The following GALNT13 variants were observed in gnomAD, a reference collection of about 807,000 sequenced individuals.
The protein encoded by GALNT13 is UDP-GalNAc:polypeptide N-acetylgalactosaminyltransferase 13.
In GALNT13, 28 loss-of-function variants were observed where a neutral mutation model predicts 64.2. That is an observed-to-expected ratio of 0.44 (90% CI 0.32 to 0.60). The LOEUF (loss-of-function observed/expected upper bound fraction) is 0.60, where lower values mean the gene tolerates loss of function less well. GALNT13 is among the 20% of genes least tolerant of loss of function. The probability of loss-of-function intolerance (pLI) is 0.05; values close to 1 mark genes in which losing one functional copy is unlikely to be tolerated. For missense variants in GALNT13, 577 were observed against 669.8 expected, an observed-to-expected ratio of 0.86 and a Z score of 1.53; for synonymous variants, 214 against 224.6, an observed-to-expected ratio of 0.95 and a Z score of 0.42.
chr2:154,120,098 A>T (rs1001455668), intron 3 of GALNT13, among the ~76,000 whole-genome samples: 8 of 151,834 alleles, frequency 5.3e-5, no homozygotes, highest in Non-Finnish European at 1.0e-4. Flanking sequence ...TTTGTCAGGG[A>T]TAGATCTTAA....
the GALNT13 span, among the ~76,000 whole-genome samples, chr2:153,839,522 T>G: frequency 9.9e-5 from 15 of 151,976 alleles, no homozygotes; most frequent in African/African-American, 3.1e-4. Flanking sequence ...GATTATAATT[T>G]TTATCCTTCC....
At chr2:153,361,195 C>T in the GALNT13 span, among the ~76,000 whole-genome samples, 1 of 152,234 alleles carries the variant, frequency 6.6e-6, no homozygotes, top group Admixed American at 6.5e-5. Flanking sequence ...AATGTCCCCA[C>T]AAAAACCACA....
intron 6 of GALNT13, among the ~76,000 whole-genome samples, chr2:154,244,849 C>T (rs1057103827): frequency 1.4e-4 from 22 of 152,106 alleles, no homozygotes; most frequent in African/African-American, 3.1e-4. Flanking sequence ...AGGCCAGGTG[C>T]GGTGGCTCAC....
At chr2:153,150,851 T>C in the GALNT13 span, among the ~76,000 whole-genome samples, 1 of 152,166 alleles carries the variant, frequency 6.6e-6, no homozygotes, top group African/African-American at 2.4e-5. Context: ...TTGGTATCAG[T>C]ACCATGCTAT....
chr2:153,402,619 T>G, the GALNT13 span, among the ~76,000 whole-genome samples: 53 of 151,890 alleles, frequency 3.5e-4, no homozygotes, highest in Middle Eastern at 3.4e-3. Context: ...TGGAGGCTTT[T>G]CTCATTTCTT....
chr2:153,384,366 C>T, the GALNT13 span, among the ~76,000 whole-genome samples: 2 of 151,994 alleles, frequency 1.3e-5, no homozygotes, highest in African/African-American at 2.4e-5. Flanking sequence ...TTTAAAACTT[C>T]GTGTTCTTCA....
chr2:154,345,057 C>T (rs901948371), intron 9 of GALNT13, among the ~76,000 whole-genome samples: 2 of 151,892 alleles, frequency 1.3e-5, no homozygotes, highest in African/African-American at 4.8e-5. Flanking sequence ...TTAGGATCCA[C>T]TATATGGGGA....
the GALNT13 span, among the ~76,000 whole-genome samples, chr2:153,413,090 A>T: frequency 6.6e-6 from 1 of 152,146 alleles, no homozygotes; most frequent in Non-Finnish European, 1.5e-5. Context: ...AGAGCCCAAA[A>T]GGGGAGAGTT....
the GALNT13 span, chr2:153,478,478 A>C: frequency 1.2e-6 from 2 of 1,613,278 alleles, no homozygotes; most frequent in Non-Finnish European, 1.7e-6. Flanking sequence ...GCCTGGGTGC[A>C]GCAGCGCACG....
chr2:154,390,302 G>T (rs1698725459), intron 9 of GALNT13, among the ~76,000 whole-genome samples: 1 of 152,126 alleles, frequency 6.6e-6, no homozygotes, highest in African/African-American at 2.4e-5. Context: ...AAGGAGGTTT[G>T]TTGTACAGAT....
At chr2:154,417,758 C>T (rs1347844907) in intron 11 of GALNT13, among the ~76,000 whole-genome samples, 3 of 151,788 alleles carry the variant, frequency 2.0e-5, no homozygotes, top group African/African-American at 4.8e-5. Flanking sequence ...GTGATCCACC[C>T]GCCTCCACAT....
At chr2:154,023,111 A>C (rs1697654595) in intron 3 of GALNT13, among the ~76,000 whole-genome samples, 1 of 152,280 alleles carries the variant, frequency 6.6e-6, no homozygotes, top group Non-Finnish European at 1.5e-5. Flanking sequence ...TTTACTTCCA[A>C]CTATGTGGCC....
At chr2:154,154,561 G>A (rs1191776450) in intron 4 of GALNT13, among the ~76,000 whole-genome samples, 1 of 152,118 alleles carries the variant, frequency 6.6e-6, no homozygotes, top group Non-Finnish European at 1.5e-5. Context: ...AATTTAATAA[G>A]ATTCCCTATT....
chr2:154,211,629 C>CAAAAAAA (rs140095331), intron 4 of GALNT13, among the ~76,000 whole-genome samples: 14 of 37,932 alleles, frequency 3.7e-4, no homozygotes, highest in African/African-American at 4.6e-4. Flanking sequence ...ACTCCATCTC[C>CAAAAAAA]AAAAAAAAAA....
At chr2:153,609,525 C>G in the GALNT13 span, among the ~76,000 whole-genome samples, 2 of 152,050 alleles carry the variant, frequency 1.3e-5, no homozygotes, top group African/African-American at 4.8e-5. Flanking sequence ...GATGTGAGAC[C>G]TTGCCTTTTA....
At chr2:154,324,843 T>C (rs1013542215) in intron 9 of GALNT13, among the ~76,000 whole-genome samples, 2 of 152,098 alleles carry the variant, frequency 1.3e-5, no homozygotes, top group African/African-American at 4.8e-5. Context: ...CTATTTATAA[T>C]AGGTGGAAAT....
At chr2:154,405,334 A>C (rs2105382678) in intron 10 of GALNT13, among the ~76,000 whole-genome samples, 1 of 152,244 alleles carries the variant, frequency 6.6e-6, no homozygotes, top group East Asian at 1.9e-4. Context: ...GGAGCAACTA[A>C]AAATATAAAA....
intron 1 of GALNT13, among the ~76,000 whole-genome samples, chr2:153,884,389 T>G (rs1055619796): frequency 1.3e-5 from 2 of 151,866 alleles, no homozygotes; most frequent in Non-Finnish European, 2.9e-5. Flanking sequence ...ATTTAAAGAT[T>G]CCATTGTAGA....
At chr2:153,630,043 G>A in the GALNT13 span, among the ~76,000 whole-genome samples, 152 of 146,280 alleles carry the variant, frequency 1.0e-3, 3 homozygotes, top group African/African-American at 3.8e-3. Flanking sequence ...CTTTTACACT[G>A]TTGGTGGGAC....
Sources: gnomAD v4.1 joint callset for allele counts (sites outside exome capture counted in the v4.1 genomes callset) on GRCh38, gnomAD v4.1.1 for gene constraint, MANE v1.5 for transcripts, NCBI Gene and HGNC (gene_info 2026-07-23, HGNC 2026-07-21) for gene names.